Variants in NEFH observed in about 807,000 individuals in gnomAD.
NEFH encodes the protein neurofilament heavy chain, also known as neurofilament heavy polypeptide.
Under a neutral mutation model 56.6 loss-of-function variants are expected in NEFH, and 58 were observed. The ratio of observed to expected loss-of-function variants is 1.03; its 90% confidence interval spans 0.83 to 1.28. The LOEUF (loss-of-function observed/expected upper bound fraction) is 1.28, where lower values mean the gene tolerates loss of function less well. Ranked by LOEUF, NEFH falls within the 50% of genes most tolerant of loss-of-function variation. The pLI, the probability that NEFH is intolerant of heterozygous loss-of-function variation, is 0.00. For synonymous variants in NEFH, 542 were observed against 545.8 expected (o/e 0.99, Z 0.10); for missense variants, 1,221 against 1,307.6 (o/e 0.93, Z 1.02).
Position 29,481,164 on chromosome 22 carries a change from GGGGGGAGGGGCGCCCCTGCTGACCC to G in NEFH, c.883+20_883+44del. 1 of 1,524,416 alleles carries G rather than the reference GGGGGGAGGGGCGCCCCTGCTGACCC, an allele frequency of 6.6e-7. No individual in the cohort carries two copies. Among genetic ancestry groups the G allele is most frequent in the Non-Finnish European group, 8.8e-7 (1 of 1,139,384 alleles). 94.4% of individuals were successfully genotyped at this position (1,524,416 alleles called of 1,614,324 possible). ...TTCCGAGGTACGCAGGCGCGCGGGT[GGGGGGAGGGGCGCCCCTGCTGACCC>G]CGCAGCGAACTTTTGGGCTGCGTGA... On this transcript the variant is annotated intron_variant, in intron 1 of 3. Transcript: ENST00000310624.
intron 1 of NEFH, 146 bp downstream of exon 1, chr22:29,481,291 T>G: frequency 1.3e-6 from 1 of 790,752 alleles, no homozygotes; most frequent in Non-Finnish European, 2.0e-6. Flanking sequence ...TGCCCCTAGT[T>G]AAATCGCAGT....
intron 1 of NEFH, 70 bp from the exon 2 acceptor site, chr22:29,483,305 G>C: frequency 1.6e-6 from 2 of 1,271,980 alleles, no homozygotes; most frequent in East Asian, 4.7e-5. Flanking sequence ...AAAGAACAAA[G>C]AAAAAAATCT....
intron 2 of NEFH, among the ~76,000 whole-genome samples, chr22:29,484,758 T>C (rs2063034214): frequency 6.6e-6 from 1 of 151,958 alleles, no homozygotes; most frequent in Non-Finnish European, 1.5e-5. Flanking sequence ...TACCAAACCC[T>C]GACTGTGTGG....
intron 3 of NEFH, among the ~76,000 whole-genome samples, chr22:29,486,760 T>A (rs910597138): frequency 6.6e-6 from 1 of 151,864 alleles, no homozygotes; most frequent in Non-Finnish European, 1.5e-5. Flanking sequence ...TGACCTCAGG[T>A]GATCCGCCTA....
Position 29,490,633 on chromosome 22 carries a change from C to G in NEFH, c.2993C>G (p.Ser998Cys), listed in dbSNP as rs1477876934. ...AAGGCAGAAAAGGCTGAAAAATCCTCCAGCACAGACCAAAAAGACAGCAAG... is the reference window on the plus strand; with the variant it reads ...AAGGCAGAAAAGGCTGAAAAATCCTGCAGCACAGACCAAAAAGACAGCAAG... ...KPKAEKAEKS[S>C]STDQKDSKPP... Residue 998 changes from serine (S) to cysteine (C), a missense_variant, in exon 4 of 4, where the codon TCC becomes TGC. Coordinates refer to ENST00000310624, the MANE Select transcript of NEFH (RefSeq NM_021076.4). The G allele has an allele frequency of 6.2e-7, 1 of 1,614,090 alleles. No individual in the cohort carries two copies. Among genetic ancestry groups the G allele is most frequent in the Non-Finnish European group, 8.5e-7 (1 of 1,180,018 alleles).
At chr22:29,483,287 A>AG in intron 1 of NEFH, 88 bp from the exon 2 acceptor site, 1 of 1,308,514 alleles carries the variant, frequency 7.6e-7, no homozygotes, top group Non-Finnish European at 1.1e-6. Flanking sequence ...AAAAAAAAAA[A>AG]AAAAGAAAAA....
Position 29,480,469 on chromosome 22 carries a change from C to G in NEFH, c.207C>G (p.Gly69=), listed in dbSNP as rs2062997001. Residue 69 remains glycine, a synonymous_variant, in exon 1 of 4, where the codon GGC becomes GGG. Coordinates refer to ENST00000310624, the MANE Select transcript of NEFH (RefSeq NM_021076.4). ...CGCCCAGCCGCTTCCGTGGCGCAGG[C>G]GCCGCCTCAAGCACCGACTCGCTGG... is the stretch of plus-strand genomic sequence containing the variant. ...SASPSRFRGA[G]AASSTDSLDT... 1 of 1,532,694 alleles carries G rather than the reference C, an allele frequency of 6.5e-7. No individual in the cohort carries two copies. The highest frequency in any genetic ancestry group is 8.7e-7 in the Non-Finnish European group (1 of 1,146,048). The allele number at this position is 1,532,694 out of a possible 1,614,324, so 94.9% of individuals were successfully genotyped here. A position where few individuals can be genotyped will look rare whatever the true frequency, so the allele number is the denominator to read the frequency against.
rs1028844995 is a variant in NEFH at position 29,485,004 on chromosome 22, A to G, written c.1084-719A>G. 2.6e-5 allele frequency among the ~76,000 whole-genome samples: 4 copies of G among 152,132 alleles called. No homozygotes were observed. In the East Asian group the frequency reaches 7.7e-4, roughly 29 times the overall value. ...TGCACATCACCATGCCCAGCTAATT[A>G]TTTAATTGTTTTGTAGAAATGAGGT... is the stretch of plus-strand genomic sequence containing the variant. On this transcript the variant is annotated intron_variant, in intron 2 of 3. Transcript: ENST00000310624.
At chr22:29,484,826 C>T (rs2063034808) in intron 2 of NEFH, among the ~76,000 whole-genome samples, 1 of 151,784 alleles carries the variant, frequency 6.6e-6, no homozygotes, top group Non-Finnish European at 1.5e-5. Context: ...GCCCTGCTCC[C>T]ACTGGGTTTT....
At position 29,480,447 on chromosome 22, in the gene NEFH, C is replaced by A; in HGVS notation, c.185C>A (p.Pro62His). 6.5e-7 allele frequency: 1 copy of A among 1,532,110 alleles called. No individual in the cohort carries two copies. Among genetic ancestry groups the A allele is most frequent in the Non-Finnish European group, 8.7e-7 (1 of 1,145,816 alleles). 94.9% of individuals were successfully genotyped at this position (1,532,110 alleles called of 1,614,324 possible). A position where few individuals can be genotyped will look rare whatever the true frequency, so the allele number is the denominator to read the frequency against. The change falls in exon 1 of 4, where the codon CCC becomes CAC. Residue 62 changes from proline to histidine, a missense_variant. Physicochemically the swap from Pro to His is moderately conservative, Grantham distance 77. Transcript: ENST00000310624. ...TCCGTGAGCTCCGTGTCCGCCTCGC[C>A]CAGCCGCTTCCGTGGCGCAGGCGCC... ...RTSVSSVSAS[P>H]SRFRGAGAAS...
rs1176702204 is a variant in NEFH, at chr22:29,491,334, G to A, written c.*631G>A. 5.1e-6 allele frequency: 1 copy of A among 195,058 alleles called. No homozygotes were observed. The highest frequency in any genetic ancestry group is 1.1e-5 in the Non-Finnish European group (1 of 94,382). 12.1% of individuals were successfully genotyped at this position (195,058 alleles called of 1,614,324 possible). A position where few individuals can be genotyped will look rare whatever the true frequency, so the allele number is the denominator to read the frequency against. On this transcript the variant is annotated 3_prime_UTR_variant, in exon 4 of 4. Transcript: ENST00000310624. Reference sequence around the variant, plus strand: ...CTTTCCCTGGGAAGGCTGGGGGCAGGGCAGGGGAGGTCTGGATGTGACACC... The same window carrying A: ...CTTTCCCTGGGAAGGCTGGGGGCAGAGCAGGGGAGGTCTGGATGTGACACC...
rs767466671 is a variant in NEFH at position 29,488,902 on chromosome 22, C to T, written c.1262C>T (p.Ser421Leu). ...CRIGFGPIPF[S>L]LPEGLPKIPS... ...ATTGGCTTTGGCCCAATTCCTTTCT[C>T]GCTTCCAGAAGGACTCCCCAAAATT... is the stretch of plus-strand genomic sequence containing the variant. Residue 421 changes from serine (S) to leucine (L), a missense_variant, in exon 4 of 4, where the codon TCG becomes TTG. Ser to Leu is a moderately radical substitution (Grantham distance 145). Around this residue, in one of 4 missense-constraint regions of NEFH, gnomAD observed 243 missense variants for 299.1 expected, o/e 0.81. Transcript: ENST00000310624. 8.7e-6 allele frequency: 14 copies of T among 1,614,114 alleles called. No individual in the cohort carries two copies. The Middle Eastern group carries it at 6.6e-4, about 76-fold the overall frequency.
At chr22:29,488,803 A>G (rs1264604134) in intron 3 of NEFH, 46 bp from the exon 4 acceptor site, 8 of 1,589,356 alleles carry the variant, frequency 5.0e-6, no homozygotes, top group Non-Finnish European at 6.9e-6. Context: ...CAAATAGTGA[A>G]TTTGCCCTGA....
At position 29,490,945 on chromosome 22, in the gene NEFH, C is replaced by G. The variant is rs1344858706; in HGVS notation, c.*242C>G. The G allele has an allele frequency of 1.5e-6, 1 of 673,950 alleles. No homozygotes were observed. Among genetic ancestry groups the G allele is most frequent in the Admixed American group, 2.8e-5 (1 of 35,810 alleles). The allele number at this position is 673,950 out of a possible 1,614,324, so 41.7% of individuals were successfully genotyped here. A position where few individuals can be genotyped will look rare whatever the true frequency, so the allele number is the denominator to read the frequency against. On this transcript the variant is annotated 3_prime_UTR_variant, in exon 4 of 4. Transcript: ENST00000310624. ...TGGACAATTATGATAGCTTATGTAGCTGAATGTGATACATGCCGAATGCCA... is the reference window on the plus strand; with the variant it reads ...TGGACAATTATGATAGCTTATGTAGGTGAATGTGATACATGCCGAATGCCA...
Position 29,490,278 on chromosome 22 carries a change from C to G in NEFH, c.2638C>G (p.Pro880Ala), listed in dbSNP as rs750968972. 1.2e-6 allele frequency: 2 copies of G among 1,612,502 alleles called. No homozygotes were observed. The highest frequency in any genetic ancestry group is 2.2e-5 in the East Asian group (1 of 44,852). ...GCCCAAGGTGGAGGAGAAGAAGGAACCTGCTGTCGAAAAGCCCAAAGAATC... is the reference window on the plus strand; with the variant it reads ...GCCCAAGGTGGAGGAGAAGAAGGAAGCTGCTGTCGAAAAGCCCAAAGAATC... ...PKPKVEEKKE[P>A]AVEKPKESKV... The change falls in exon 4 of 4, where the codon CCT (proline) becomes GCT (alanine). Residue 880 changes from proline (P) to alanine (A), a missense_variant. By Grantham distance (27) the Pro-to-Ala change is conservative. Coordinates refer to ENST00000310624, the MANE Select transcript of NEFH (RefSeq NM_021076.4).
At chr22:29,483,769 A>G (rs982086760) in intron 2 of NEFH, among the ~76,000 whole-genome samples, 195 bp downstream of exon 2, 7 of 74,074 alleles carry the variant, frequency 9.5e-5, no homozygotes, top group Admixed American at 2.4e-4. Flanking sequence ...TCCAGCCATG[A>G]AAAAAAAAAA....
rs140814097 is a variant in NEFH at position 29,483,827 on chromosome 22, T to TTTTATTTATTTA, written c.1083+281_1083+292dup. ...AGCTGGAAAGATTAAAGAGATAGAC[T>TTTTATTTATTTA]TTTATTTATTTATTTATTTATTTAT... is the stretch of plus-strand genomic sequence containing the variant. On this transcript the variant is annotated intron_variant, in intron 2 of 3. Coordinates refer to ENST00000310624, the MANE Select transcript of NEFH (RefSeq NM_021076.4). Among the ~76,000 whole-genome samples, 1,900 of 136,516 alleles carry TTTTATTTATTTA rather than the reference T, an allele frequency of 0.014. 60 individuals are homozygous for TTTTATTTATTTA. The highest frequency in any genetic ancestry group is 0.048 in the African/African-American group (1,733 of 36,106). 89.6% of individuals were successfully genotyped at this position (136,516 alleles called of 152,430 possible).
chr22:29,487,216 T>C (rs1449403668), intron 3 of NEFH, among the ~76,000 whole-genome samples: 1 of 152,178 alleles, frequency 6.6e-6, no homozygotes, highest in East Asian at 1.9e-4. Flanking sequence ...CCCTGAGGAC[T>C]TGTCCCAGTT....
chr22:29,481,003 C>A lies in NEFH; in HGVS notation c.741C>A (p.Gly247=). Residue 247 remains glycine (G), a synonymous_variant, in exon 1 of 4, where the codon GGC becomes GGA. Coordinates refer to ENST00000310624, the MANE Select transcript of NEFH (RefSeq NM_021076.4). ...EVGELLGQIQ[G]SGAAQAQMQA... ...GCGAGCTGCTCGGCCAGATCCAGGG[C>A]TCCGGCGCCGCGCAGGCGCAGATGC... The A allele has an allele frequency of 6.5e-7, 1 of 1,531,850 alleles. No homozygotes were observed. The highest frequency in any genetic ancestry group is 8.7e-7 in the Non-Finnish European group (1 of 1,145,462). The allele number at this position is 1,531,850 out of a possible 1,614,324, so 94.9% of individuals were successfully genotyped here. A position where few individuals can be genotyped will look rare whatever the true frequency, so the allele number is the denominator to read the frequency against.
Sources: gnomAD v4.1 joint callset for allele counts (sites outside exome capture counted in the v4.1 genomes callset) on GRCh38, gnomAD v4.1.1 for gene constraint, gnomAD v4.1.1 regional missense constraint, MANE v1.5 for transcripts, NCBI Gene and HGNC (gene_info 2026-07-23, HGNC 2026-07-21) for gene names.